The following EXOSC10 variants were observed in gnomAD, a reference collection of about 807,000 sequenced individuals.
EXOSC10 encodes the protein exosome complex component 10.
Under a neutral mutation model 126.6 loss-of-function variants are expected in EXOSC10, and 94 were observed. That is an observed-to-expected ratio of 0.74 (90% CI 0.63 to 0.88). EXOSC10 has a LOEUF of 0.88. Among genes scored for constraint, EXOSC10 ranks in the 40% least tolerant of loss-of-function variants. EXOSC10 has a pLI of 0.00. For missense variants in EXOSC10, 1,041 were observed against 1,100.5 expected (o/e 0.95, Z 0.77); for synonymous variants, 395 against 400.8 (o/e 0.99, Z 0.17).
intron 19 of EXOSC10, chr1:11,073,142 T>G (rs1301612465): frequency 2.0e-5 from 3 of 152,198 alleles, no homozygotes; most frequent in African/African-American, 7.2e-5. Context: ...GTGCTTTTCT[T>G]TTTCTTTTTT....
chr1:11,076,874 G>A lies in EXOSC10; in HGVS notation c.1954C>T (p.Leu652=), dbSNP rs772126275. 3.7e-6 allele frequency: 6 copies of A among 1,613,716 alleles called. No individual in the cohort carries two copies. In the East Asian group the frequency reaches 1.1e-4, roughly 30 times the overall value. The change falls in exon 17 of 25, where the codon CTG becomes TTG. Residue 652 remains leucine (L), a synonymous_variant. Coordinates refer to ENST00000376936, the MANE Select transcript of EXOSC10 (RefSeq NM_001001998.3). The part of the protein sequence containing the change: ...KEDNLLGTTC[L]IATAVITLFN... ...AACGTGATGACAGCTGTGGCAATCA[G>A]GCATGTGGTACCCAGCAAGTTATCT...
At chr1:11,077,142 C>T in intron 16 of EXOSC10, 194 bp from the exon 17 acceptor site, 1 of 621,392 alleles carries the variant, frequency 1.6e-6, no homozygotes, top group Non-Finnish European at 2.8e-6. Flanking sequence ...CAGGTGCCCA[C>T]CACCATGCCA....
chr1:11,077,738 C>T, intron 14 of EXOSC10, 87 bp from the exon 15 acceptor site: 2 of 1,149,490 alleles, frequency 1.7e-6, no homozygotes, highest in Non-Finnish European at 2.5e-6. Flanking sequence ...TGTATTCCTT[C>T]ACCAGCCTGT....
At chr1:11,089,664 T>C (rs1402165148) in intron 6 of EXOSC10, among the ~76,000 whole-genome samples, 2 of 148,372 alleles carry the variant, frequency 1.3e-5, no homozygotes, top group East Asian at 4.0e-4. Flanking sequence ...AAAGAAAACA[T>C]GGGCCAGCTC....
chr1:11,073,877 CAAAAAAAAAA>C lies in EXOSC10; in HGVS notation c.2157+47_2157+56del, dbSNP rs770965502. 4.8e-5 allele frequency: 26 copies of C among 539,102 alleles called. 1 individual carries two copies. The East Asian group carries it at 9.4e-4, about 19-fold the overall frequency. The allele number at this position is 539,102 out of a possible 1,614,324, so 33.4% of individuals were successfully genotyped here. A position where few individuals can be genotyped will look rare whatever the true frequency, so the allele number is the denominator to read the frequency against. ...TGGGTGACAAAGCGAGACTCCATCT[CAAAAAAAAAA>C]AAAAAAAAAAAAAGTCTCTTTTAGA... On this transcript the variant is annotated intron_variant, in intron 19 of 24. Coordinates refer to ENST00000376936, the MANE Select transcript of EXOSC10 (RefSeq NM_001001998.3).
chr1:11,082,843 T>G lies in EXOSC10; in HGVS notation c.1125A>C (p.Leu375=). 6.2e-7 allele frequency: 1 copy of G among 1,614,190 alleles called. No individual in the cohort carries two copies. Among genetic ancestry groups the G allele is most frequent in the Non-Finnish European group, 8.5e-7 (1 of 1,180,028 alleles). ...CTACATACAACCCAAAGTCTTTCTG[T>G]AGCCATTCTATGTCTGAATCAGCAC... The part of the protein sequence containing the change: ...FHGADSDIEW[L]QKDFGLYVVN... The change falls in exon 10 of 25, where the codon CTA becomes CTC. Residue 375 remains leucine, a synonymous_variant. Transcript: ENST00000376936.
intron 9 of EXOSC10, among the ~76,000 whole-genome samples, chr1:11,085,565 A>G (rs1262315389): frequency 3.9e-5 from 6 of 152,210 alleles, no homozygotes; most frequent in African/African-American, 1.4e-4. Context: ...GTCATCTGCA[A>G]ACAGGGACAA....
chr1:11,094,960 C>T (rs1640992477), intron 3 of EXOSC10, among the ~76,000 whole-genome samples: 1 of 151,910 alleles, frequency 6.6e-6, no homozygotes, highest in African/African-American at 2.4e-5. Flanking sequence ...GCCTGTAATC[C>T]CAGCACTTTG....
At chr1:11,078,663 T>C (rs1639966336) in intron 14 of EXOSC10, among the ~76,000 whole-genome samples, 1 of 152,236 alleles carries the variant, frequency 6.6e-6, no homozygotes, top group Non-Finnish European at 1.5e-5. Flanking sequence ...TGATGCTTCC[T>C]ACACCTGTTC....
At chr1:11,091,355 T>C in intron 4 of EXOSC10, 138 bp downstream of exon 4, 1 of 923,912 alleles carries the variant, frequency 1.1e-6, no homozygotes, top group Non-Finnish European at 1.6e-6. Context: ...AATTAGTTTG[T>C]GTATGTTTAT....
rs762795777 is a variant in EXOSC10 at position 11,087,488 on chromosome 1, T to C, written c.1049A>G (p.Tyr350Cys). 6.2e-7 allele frequency: 1 copy of C among 1,614,114 alleles called. No homozygotes were observed. The highest frequency in any genetic ancestry group is 1.7e-5 in the Admixed American group (1 of 59,996). ...IDTLELRSDM[Y>C]ILNESLTDPA... ...GTCTGTGAGGCTCTCATTGAGAATG[T>C]ACATGTCACTTCGAAGCTCGAGGGT... The change falls in exon 9 of 25, where the codon TAC (tyrosine) becomes TGC (cysteine). Residue 350 changes from tyrosine to cysteine, a missense_variant. Tyr to Cys is a radical substitution (Grantham distance 194). Coordinates refer to ENST00000376936, the MANE Select transcript of EXOSC10 (RefSeq NM_001001998.3).
Position 11,076,861 on chromosome 1 carries a change from G to C in EXOSC10, c.1967C>G (p.Ala656Gly). 1 of 1,613,184 alleles carries C rather than the reference G, an allele frequency of 6.2e-7. No homozygotes were observed. Among genetic ancestry groups the C allele is most frequent in the Non-Finnish European group, 8.5e-7 (1 of 1,179,712 alleles). The part of the protein sequence containing the change: ...LLGTTCLIAT[A>G]VITLFNEPSA... ...ACTCACATTAAATAACGTGATGACAGCTGTGGCAATCAGGCATGTGGTACC... is the reference window on the plus strand; with the variant it reads ...ACTCACATTAAATAACGTGATGACACCTGTGGCAATCAGGCATGTGGTACC... The change falls in exon 17 of 25, where the codon GCT (alanine) becomes GGT (glycine). Residue 656 changes from alanine to glycine, a missense_variant. Ala to Gly is a moderately conservative substitution (Grantham distance 60). Transcript: ENST00000376936.
At chr1:11,092,139 G>T (rs1162725611) in intron 3 of EXOSC10, among the ~76,000 whole-genome samples, 1 of 152,220 alleles carries the variant, frequency 6.6e-6, no homozygotes, top group Non-Finnish European at 1.5e-5. Flanking sequence ...AGTTTGACTT[G>T]TAAGTTTTTG....
At chr1:11,090,883 C>T in intron 5 of EXOSC10, 131 bp downstream of exon 5, 1 of 1,075,788 alleles carries the variant, frequency 9.3e-7, no homozygotes, top group Non-Finnish European at 1.4e-6. Context: ...TCTGGAATAG[C>T]TGAACTGGGC....
At chr1:11,090,101 G>A (rs1358789904) in intron 6 of EXOSC10, among the ~76,000 whole-genome samples, 5 of 149,914 alleles carry the variant, frequency 3.3e-5, no homozygotes, top group East Asian at 2.0e-4. Flanking sequence ...AAGTTCAAGC[G>A]ATTCTCCTGC....
intron 22 of EXOSC10, among the ~76,000 whole-genome samples, chr1:11,069,156 C>T (rs1383697228): frequency 2.0e-5 from 3 of 151,946 alleles, no homozygotes; most frequent in Non-Finnish European, 2.9e-5. Context: ...TCAAAGCAGA[C>T]GGACTCTCAC....
chr1:11,086,230 G>A (rs1212163282), intron 9 of EXOSC10, among the ~76,000 whole-genome samples: 2 of 151,872 alleles, frequency 1.3e-5, no homozygotes, highest in Admixed American at 6.6e-5. Context: ...GGTAGAATTC[G>A]GCTGTGAATC....
At chr1:11,092,796 G>A (rs1640877632) in intron 3 of EXOSC10, among the ~76,000 whole-genome samples, 3 of 152,174 alleles carry the variant, frequency 2.0e-5, no homozygotes, top group Non-Finnish European at 2.9e-5. Flanking sequence ...TAGGATTACA[G>A]GCATGAGCTA....
intron 9 of EXOSC10, among the ~76,000 whole-genome samples, chr1:11,083,630 T>A (rs139226761): frequency 0.011 from 1,638 of 151,366 alleles, 34 homozygotes; most frequent in African/African-American, 0.037. Flanking sequence ...AATTTTTTTT[T>A]AAATTTATTA....
Sources: allele counts gnomAD v4.1 joint callset (sites outside exome capture counted in the v4.1 genomes callset), GRCh38; gene constraint gnomAD v4.1.1; transcripts MANE v1.5; gene names NCBI Gene and HGNC (gene_info 2026-07-23, HGNC 2026-07-21).